ABLIM3: variants seen among roughly 807,000 people sequenced by gnomAD.
ABLIM3 encodes the protein actin-binding LIM protein 3.
A neutral mutation model predicts 109.5 loss-of-function variants in ABLIM3; 61 were observed. The ratio of observed to expected loss-of-function variants is 0.56; its 90% CI spans 0.45 to 0.69. The LOEUF (loss-of-function observed/expected upper bound fraction) is 0.69. ABLIM3 is among the 30% of genes least tolerant of loss of function. The pLI is 0.00. For synonymous variants in ABLIM3, 300 were observed against 324.8 expected, an observed-to-expected ratio of 0.92 and a Z score of 0.82; for missense variants, 796 against 889.5, an observed-to-expected ratio of 0.89 and a Z score of 1.34.
intron 15 of ABLIM3, 76 bp from the exon 16 acceptor site, chr5:149,244,805 A>G: frequency 6.3e-7 from 1 of 1,593,176 alleles, no homozygotes; most frequent in African/African-American, 1.3e-5. Context: ...GGAGCCTGGT[A>G]AAGATAGGAA....
intron 2 of ABLIM3, among the ~76,000 whole-genome samples, chr5:149,182,253 G>C (rs1388476260): frequency 6.6e-6 from 1 of 152,130 alleles, no homozygotes; most frequent in East Asian, 1.9e-4. Flanking sequence ...ATATATAAAC[G>C]ATAGGTACCA....
intron 3 of ABLIM3, among the ~76,000 whole-genome samples, chr5:149,196,398 A>G (rs564160627): frequency 1.4e-4 from 21 of 152,292 alleles, no homozygotes; most frequent in African/African-American, 5.1e-4. Context: ...TAACTATCTT[A>G]TTGGTTTTCC....
chr5:149,230,902 G>T (rs1347493980), intron 9 of ABLIM3, among the ~76,000 whole-genome samples, 195 bp downstream of exon 9: 7 of 152,152 alleles, frequency 4.6e-5, no homozygotes, highest in African/African-American at 1.7e-4. Flanking sequence ...CATCGGATAT[G>T]AAAGCACTCT....
chr5:149,152,829 T>G (rs1254669835), intron 2 of ABLIM3, among the ~76,000 whole-genome samples: 1 of 152,022 alleles, frequency 6.6e-6, no homozygotes, highest in Non-Finnish European at 1.5e-5. Flanking sequence ...GCCACAACAA[T>G]GATTGCATGT....
chr5:149,223,287 T>C (rs1421822421), intron 8 of ABLIM3, among the ~76,000 whole-genome samples: 1 of 152,208 alleles, frequency 6.6e-6, no homozygotes, highest in African/African-American at 2.4e-5. Context: ...GCCTGTCACA[T>C]GTCACATCGA....
intron 3 of ABLIM3, among the ~76,000 whole-genome samples, chr5:149,189,200 TTAAC>T (rs1271115125): frequency 6.6e-6 from 1 of 152,100 alleles, no homozygotes; most frequent in Non-Finnish European, 1.5e-5. Flanking sequence ...TACATAAAAA[TTAAC>T]TAAAAATTGA....
At chr5:149,162,656 A>G (rs990105425) in intron 2 of ABLIM3, among the ~76,000 whole-genome samples, 4 of 152,210 alleles carry the variant, frequency 2.6e-5, no homozygotes, top group Admixed American at 6.5e-5. Flanking sequence ...TCCCAGATGA[A>G]TGGTGCTGTC....
At chr5:149,210,364 T>G (rs1759419374) in intron 6 of ABLIM3, among the ~76,000 whole-genome samples, 1 of 152,154 alleles carries the variant, frequency 6.6e-6, no homozygotes, top group Admixed American at 6.5e-5. Context: ...TAATTCTGAC[T>G]CATAGGGTTG....
In ABLIM3 at chr5:149,198,416, C is replaced by T. The variant is rs777486718; in HGVS notation, c.335+14C>T. 8 of 1,598,414 alleles carry T rather than the reference C, an allele frequency of 5.0e-6. No individual in the cohort carries two copies. In the African/African-American group the frequency reaches 9.4e-5, roughly 19 times the overall value. ...CAGCTTGTGCAGGTGAGTGGGCGACCAGCAGGGCCTGGGACCCTCTGCATA... is the reference window on the plus strand; with the variant it reads ...CAGCTTGTGCAGGTGAGTGGGCGACTAGCAGGGCCTGGGACCCTCTGCATA... On this transcript the variant is annotated intron_variant, in intron 4 of 23. Transcript: ENST00000309868. The surrounding 1 kb of genome is among the most constrained non-coding windows in gnomAD (Gnocchi z 4.2).
At position 149,182,865 on chromosome 5, in the gene ABLIM3, G is replaced by A. The variant is rs868579434; in HGVS notation, c.14-587G>A. 2.6e-5 allele frequency among the ~76,000 whole-genome samples: 4 copies of A among 152,258 alleles called. No homozygotes were observed. In the Middle Eastern group the frequency reaches 0.01, roughly 388 times the overall value. Reference sequence around the variant, plus strand: ...AAGTGCTGTTCAAAGGTAGCTTTGAGATAAGTTCCCTTGTTAGCCTCCCTC... The same window carrying A: ...AAGTGCTGTTCAAAGGTAGCTTTGAAATAAGTTCCCTTGTTAGCCTCCCTC... On this transcript the variant is annotated intron_variant, in intron 2 of 23. Transcript: ENST00000309868.
intron 2 of ABLIM3, among the ~76,000 whole-genome samples, chr5:149,155,843 G>T (rs1215210949): frequency 6.6e-6 from 1 of 152,222 alleles, no homozygotes; most frequent in African/African-American, 2.4e-5. Context: ...CTCTTTGAGA[G>T]GGTCAGATGC....
At chr5:149,247,953 A>G (rs755590909) in intron 18 of ABLIM3, 24 bp downstream of exon 18, 34 of 1,608,726 alleles carry the variant, frequency 2.1e-5, no homozygotes, top group Non-Finnish European at 2.5e-5. Flanking sequence ...TGGAAGCCCA[A>G]CGGGGCGGGG....
intron 21 of ABLIM3, 30 bp downstream of exon 21, chr5:149,251,449 G>T: frequency 6.2e-7 from 1 of 1,610,940 alleles, no homozygotes; most frequent in East Asian, 2.2e-5. Flanking sequence ...GGGTCTGCAG[G>T]GAGAGTGCCT....
At chr5:149,248,243 C>T (rs1215777119) in intron 18 of ABLIM3, among the ~76,000 whole-genome samples, 1 of 152,232 alleles carries the variant, frequency 6.6e-6, no homozygotes, top group African/African-American at 2.4e-5. Context: ...GCCCCAAACC[C>T]TGCAATGCCC....
chr5:149,230,672 T>G lies in ABLIM3; in HGVS notation c.781T>G (p.Cys261Gly). Residue 261 changes from cysteine (C) to glycine (G), a missense_variant, in exon 9 of 24, where the codon TGC becomes GGC. Physicochemically the swap from Cys to Gly is radical, Grantham distance 159. Transcript: ENST00000309868. Reference protein sequence around the residue: ...LTGSEVWHPICKQAARAEKKL... With the variant: ...LTGSEVWHPIGKQAARAEKKL... ...AGGTTCCGAGGTTTGGCACCCCATCTGCAAACAGGCAGCCCGGGCAGAGAA... is the reference window on the plus strand; with the variant it reads ...AGGTTCCGAGGTTTGGCACCCCATCGGCAAACAGGCAGCCCGGGCAGAGAA... 1 of 1,614,072 alleles carries G rather than the reference T, an allele frequency of 6.2e-7. No homozygotes were observed.
At chr5:149,179,568 T>A (rs1014660872) in intron 2 of ABLIM3, among the ~76,000 whole-genome samples, 11 of 152,216 alleles carry the variant, frequency 7.2e-5, no homozygotes, top group African/African-American at 2.7e-4. Flanking sequence ...TAAAAATGAA[T>A]CATTTTAGTC....
chr5:149,209,153 T>C (rs1204726167), intron 6 of ABLIM3, among the ~76,000 whole-genome samples: 5 of 152,098 alleles, frequency 3.3e-5, no homozygotes, highest in African/African-American at 1.2e-4. Context: ...AGGAGTGCCC[T>C]TAGTACATTG....
chr5:149,241,005 G>T (rs1318726601), intron 14 of ABLIM3, among the ~76,000 whole-genome samples: 1 of 152,240 alleles, frequency 6.6e-6, no homozygotes, highest in African/African-American at 2.4e-5. Context: ...GCAGTCCCGG[G>T]AAGAAAAGAG....
At chr5:149,241,893 T>C (rs1029800390) in intron 14 of ABLIM3, among the ~76,000 whole-genome samples, 4 of 152,178 alleles carry the variant, frequency 2.6e-5, no homozygotes, top group African/African-American at 9.7e-5. Context: ...GCTACAGGAC[T>C]GAGTGGGTGT....
Sources: gnomAD v4.1 joint callset for allele counts (sites outside exome capture counted in the v4.1 genomes callset) on GRCh38, gnomAD v4.1.1 for gene constraint, Gnocchi (gnomAD v3.1) non-coding constraint, MANE v1.5 for transcripts, NCBI Gene and HGNC (gene_info 2026-07-23, HGNC 2026-07-21) for gene names.